The following COL28A1 variants were observed in gnomAD, a reference collection of about 807,000 sequenced individuals.
The protein encoded by COL28A1 is collagen alpha-1(XXVIII) chain.
COL28A1 carries 161 observed loss-of-function variants against 150.2 expected under a neutral mutation model. That is an observed-to-expected ratio of 1.07 (90% CI 0.94 to 1.22). The LOEUF (loss-of-function observed/expected upper bound fraction) is 1.22. Ranked by LOEUF, COL28A1 falls within the 50% of genes most tolerant of loss-of-function variation. The pLI is 0.00. For missense variants in COL28A1, 1,617 were observed against 1,388.3 expected (o/e 1.16, Z -2.62); for synonymous variants, 552 against 469.7 (o/e 1.18, Z -2.26).
At chr7:7,411,202 C>T (rs761625866) in intron 27 of COL28A1, among the ~76,000 whole-genome samples, 4 of 152,182 alleles carry the variant, frequency 2.6e-5, no homozygotes, top group Non-Finnish European at 5.9e-5. Context: ...TTTACAGAAA[C>T]ACAGTTACTG....
chr7:7,370,108 C>T lies in COL28A1; in HGVS notation c.3066+617G>A, dbSNP rs552439526. Among the ~76,000 whole-genome samples, 6 of 152,168 alleles carry T rather than the reference C, an allele frequency of 3.9e-5. No homozygotes were observed. In the South Asian group the frequency reaches 1.2e-3, roughly 32 times the overall value. On this transcript the variant is annotated intron_variant, in intron 33 of 34. Coordinates refer to ENST00000399429, the MANE Select transcript of COL28A1 (RefSeq NM_001037763.3). The stretch of plus-strand genomic sequence containing the variant: ...CCCAGAAGCTTGCTATGAGGACAGT[C>T]ACATTTGTTTCAATTGATTCAGGAG...
intron 27 of COL28A1, among the ~76,000 whole-genome samples, chr7:7,416,010 C>T (rs551279429): frequency 6.6e-6 from 1 of 152,174 alleles, no homozygotes; most frequent in South Asian, 2.1e-4. Flanking sequence ...ACCATGTTGC[C>T]CAGGCTGGTC....
chr7:7,498,853 C>T lies in COL28A1; in HGVS notation c.1026+7161G>A, dbSNP rs539514545. 5.3e-5 allele frequency among the ~76,000 whole-genome samples: 8 copies of T among 152,102 alleles called. 2 individuals carry two copies. Among genetic ancestry groups the T allele is most frequent in the African/African-American group, 1.9e-4 (8 of 41,452 alleles). ...TCAGCCACTTTGTGGGAAATGTTGG[C>T]AGCATTTTCAGTTCCTTGGTCCATC... On this transcript the variant is annotated intron_variant, in intron 11 of 34. Transcript: ENST00000399429.
At chr7:7,394,116 G>C (rs1270327543) in intron 27 of COL28A1, among the ~76,000 whole-genome samples, 1 of 152,168 alleles carries the variant, frequency 6.6e-6, no homozygotes, top group Non-Finnish European at 1.5e-5. Flanking sequence ...TGTGGGAAAA[G>C]CATAGTATCT....
At chr7:7,505,007 A>G (rs1393410855) in intron 11 of COL28A1, among the ~76,000 whole-genome samples, 4 of 152,244 alleles carry the variant, frequency 2.6e-5, no homozygotes, top group Non-Finnish European at 5.9e-5. Context: ...TTCCCCAGAG[A>G]GAATTAATCA....
upstream of COL28A1, among the ~76,000 whole-genome samples, chr7:7,537,552 A>G (rs1782687385): frequency 6.6e-6 from 1 of 152,208 alleles, no homozygotes; most frequent in Non-Finnish European, 1.5e-5. Flanking sequence ...CCGCTGTCAT[A>G]CTAAAACCAG....
At chr7:7,447,938 C>T (rs1345735354) in intron 18 of COL28A1, among the ~76,000 whole-genome samples, 3 of 151,998 alleles carry the variant, frequency 2.0e-5, no homozygotes. Flanking sequence ...AGTGGTGGTG[C>T]CGCCTGTAAT....
chr7:7,455,301 C>T (rs937926576), intron 16 of COL28A1, among the ~76,000 whole-genome samples: 7 of 152,138 alleles, frequency 4.6e-5, no homozygotes, highest in Non-Finnish European at 2.9e-5. Flanking sequence ...AAGTATATGG[C>T]AAACAACAAA....
At chr7:7,354,582 G>A (rs1007964077), downstream of COL28A1, among the ~76,000 whole-genome samples, 1 of 152,128 alleles carries the variant, frequency 6.6e-6, no homozygotes, top group African/African-American at 2.4e-5. Flanking sequence ...ATCAGCTTGT[G>A]ACAGGCTATT....
chr7:7,383,633 T>C (rs1336542200), intron 27 of COL28A1, among the ~76,000 whole-genome samples: 3 of 148,920 alleles, frequency 2.0e-5, no homozygotes, highest in Non-Finnish European at 4.5e-5. Context: ...CATCCAATTT[T>C]TTAAAAAAAC....
rs746854738 is a variant in COL28A1, at chr7:7,373,164, T to C, written c.2742A>G (p.Lys914=). ...TGGCATTCTTCACCACCTCTGTCAG[T>C]TTCTCTTTATCACGAGAATCTGTCT... is the stretch of plus-strand genomic sequence containing the variant. ...DGQTDSRDKE[K]LTEVVKNASD... is the part of the protein sequence containing the mutation. Residue 914 remains lysine (K), a synonymous_variant, in exon 32 of 35, where the codon AAA becomes AAG. Transcript: ENST00000399429. The surrounding 1 kb of genome is among the most constrained non-coding windows in gnomAD (Gnocchi z 4.1). 9 of 1,614,234 alleles carry C rather than the reference T, an allele frequency of 5.6e-6. No homozygotes were observed. In the South Asian group the frequency reaches 7.7e-5, roughly 14 times the overall value.
chr7:7,348,617 T>G, the COL28A1 span, among the ~76,000 whole-genome samples: 1 of 150,428 alleles, frequency 6.6e-6, no homozygotes, highest in African/African-American at 2.4e-5. Flanking sequence ...CTATTTATTT[T>G]CTGCTTCCTA....
Position 7,521,911 on chromosome 7 carries a change from C to A in COL28A1, c.753G>T (p.Gly251=). The change falls in exon 5 of 35, where the codon GGG becomes GGT. Residue 251 remains glycine (G), a synonymous_variant. Coordinates refer to ENST00000399429, the MANE Select transcript of COL28A1 (RefSeq NM_001037763.3). The stretch of plus-strand genomic sequence containing the variant: ...AAAGTGGAAGTATACTCACAGGAGG[C>A]CCTGGATCACCTGGATCTCCCTTCT... ...ECEKGDPGDP[G]PPGTHGNPGI... is the part of the protein sequence containing the mutation. 1.8e-6 allele frequency: 2 copies of A among 1,085,738 alleles called. No individual in the cohort carries two copies. Among genetic ancestry groups the A allele is most frequent in the Non-Finnish European group, 2.9e-6 (2 of 696,716 alleles). The allele number at this position is 1,085,738 out of a possible 1,614,324, so 67.3% of individuals were successfully genotyped here.
rs184841186 is a variant in COL28A1, at chr7:7,478,083, G to A, written c.1165-903C>T. ...AACCCTGAGCTAGACACAGAGTGCC[G>A]ATTGGTGCATTCACAATCCCTTAGC... On this transcript the variant is annotated intron_variant, in intron 13 of 34. Coordinates refer to ENST00000399429, the MANE Select transcript of COL28A1 (RefSeq NM_001037763.3). Among the ~76,000 whole-genome samples, 146 of 152,106 alleles carry A rather than the reference G, an allele frequency of 9.6e-4. 3 individuals are homozygous for A. The East Asian group carries it at 0.024, about 25-fold the overall frequency.
chr7:7,510,286 G>A (rs577772308), intron 9 of COL28A1, among the ~76,000 whole-genome samples: 1 of 152,018 alleles, frequency 6.6e-6, no homozygotes, highest in East Asian at 1.9e-4. Flanking sequence ...TTGATTGATT[G>A]ATTGATTGAT....
intron 17 of COL28A1, among the ~76,000 whole-genome samples, chr7:7,452,880 T>A (rs1453494648): frequency 2.0e-5 from 3 of 152,208 alleles, no homozygotes; most frequent in Non-Finnish European, 4.4e-5. Context: ...AGGTGAATAG[T>A]CTCAGAGAAG....
chr7:7,391,663 G>A (rs929546741), intron 27 of COL28A1, among the ~76,000 whole-genome samples: 1 of 152,128 alleles, frequency 6.6e-6, no homozygotes, highest in Non-Finnish European at 1.5e-5. Flanking sequence ...GGGTGCTCCT[G>A]TATTGGGTGC....
intron 15 of COL28A1, among the ~76,000 whole-genome samples, chr7:7,461,121 G>A (rs974759428): frequency 3.3e-5 from 5 of 152,182 alleles, no homozygotes; most frequent in Non-Finnish European, 7.4e-5. Context: ...GAGATTGTCC[G>A]CCCCTGAACA....
chr7:7,507,232 G>A, intron 9 of COL28A1, 71 bp from the exon 10 acceptor site: 1 of 752,060 alleles, frequency 1.3e-6, no homozygotes, highest in Non-Finnish European at 2.3e-6. Flanking sequence ...TAGGTAGGAG[G>A]GAAGGAAATG....
Sources: allele counts gnomAD v4.1 joint callset (sites outside exome capture counted in the v4.1 genomes callset), GRCh38; gene constraint gnomAD v4.1.1; non-coding constraint Gnocchi (gnomAD v3.1); transcripts MANE v1.5; gene names NCBI Gene and HGNC (gene_info 2026-07-23, HGNC 2026-07-21).